Variants in FRMD6 observed in about 807,000 individuals in gnomAD.
FRMD6 encodes the protein FERM domain-containing protein 6.
In FRMD6, 37 loss-of-function variants were observed where a neutral mutation model predicts 73.2. That is an observed-to-expected ratio of 0.51 (90% CI 0.39 to 0.66). The LOEUF (loss-of-function observed/expected upper bound fraction) is 0.66. FRMD6 is among the 30% of genes least tolerant of loss of function. The pLI, the probability that FRMD6 is intolerant of heterozygous loss-of-function variation, is 0.00. For synonymous variants in FRMD6, 273 were observed against 282.2 expected, an observed-to-expected ratio of 0.97 and a Z score of 0.33; for missense variants, 714 against 780.5, an observed-to-expected ratio of 0.91 and a Z score of 1.02.
In FRMD6 at chr14:51,715,505, G is replaced by T. The variant is rs1425330975; in HGVS notation, c.1024+6G>T. 6.2e-7 allele frequency: 1 copy of T among 1,606,352 alleles called. No individual in the cohort carries two copies. Among genetic ancestry groups the T allele is most frequent in the African/African-American group, 1.3e-5 (1 of 74,682 alleles). Reference sequence around the variant, plus strand: ...GAAGCTGGAGGAAAACGAAGGTATTGCAGGGTCTGGGGTGTGGAAGCAAAT... The same window carrying T: ...GAAGCTGGAGGAAAACGAAGGTATTTCAGGGTCTGGGGTGTGGAAGCAAAT... On this transcript the variant is annotated splice_donor_region_variant and intron_variant, in intron 10 of 13. Coordinates refer to ENST00000344768, the MANE Select transcript of FRMD6 (RefSeq NM_001267046.2).
chr14:51,520,918 G>A (rs552247272), intron 1 of FRMD6, among the ~76,000 whole-genome samples: 5 of 151,704 alleles, frequency 3.3e-5, no homozygotes, highest in Admixed American at 1.3e-4. Flanking sequence ...TCAAAAATAC[G>A]TAAATAAAAA....
intron 1 of FRMD6, among the ~76,000 whole-genome samples, chr14:51,531,862 G>A (rs1885602583): frequency 6.6e-6 from 1 of 152,182 alleles, no homozygotes; most frequent in South Asian, 2.1e-4. Flanking sequence ...ATGGATATGA[G>A]ACTGGCAAAA....
At chr14:51,421,736 T>A in the FRMD6 span, among the ~76,000 whole-genome samples, 2 of 152,242 alleles carry the variant, frequency 1.3e-5, no homozygotes, top group African/African-American at 4.8e-5. Context: ...GAACCCCAGC[T>A]GGTCTATTTC....
rs1193439532 is a variant in FRMD6, at chr14:51,729,068, T to A, written c.*1039T>A. 1 of 152,162 alleles carries A rather than the reference T, an allele frequency of 6.6e-6. No individual in the cohort carries two copies. Among genetic ancestry groups the A allele is most frequent in the Non-Finnish European group, 1.5e-5 (1 of 68,030 alleles). 9.4% of individuals were successfully genotyped at this position (152,162 alleles called of 1,614,324 possible). A position where few individuals can be genotyped will look rare whatever the true frequency, so the allele number is the denominator to read the frequency against. Reference sequence around the variant, plus strand: ...CTGAGTGAATGATACCTGCAGACAGTCAGTTGATATATGTAGAGTTCAGAA... The same window carrying A: ...CTGAGTGAATGATACCTGCAGACAGACAGTTGATATATGTAGAGTTCAGAA... On this transcript the variant is annotated 3_prime_UTR_variant, in exon 14 of 14. Transcript: ENST00000344768.
chr14:51,564,210 C>T (rs183855058), intron 1 of FRMD6, among the ~76,000 whole-genome samples: 26 of 152,150 alleles, frequency 1.7e-4, no homozygotes, highest in Non-Finnish European at 3.2e-4. Flanking sequence ...TTATATTTGT[C>T]GTTACTTTTG....
the FRMD6 span, among the ~76,000 whole-genome samples, chr14:51,459,720 G>A: frequency 1.3e-5 from 2 of 150,942 alleles, no homozygotes; most frequent in South Asian, 2.1e-4. Context: ...CCAGCTGCTC[G>A]GGAGGCTGAG....
chr14:51,414,811 T>C, the FRMD6 span, among the ~76,000 whole-genome samples: 4 of 152,222 alleles, frequency 2.6e-5, no homozygotes, highest in African/African-American at 9.6e-5. Context: ...TCCATTTGTG[T>C]CCTCTTTTAT....
chr14:51,600,685 A>G (rs1245480518), intron 2 of FRMD6, among the ~76,000 whole-genome samples: 2 of 152,232 alleles, frequency 1.3e-5, no homozygotes, highest in Admixed American at 6.5e-5. Context: ...CCCAGAATTT[A>G]TTTTTGGCCT....
At chr14:51,504,166 T>C (rs74676829) in intron 1 of FRMD6, among the ~76,000 whole-genome samples, 3,848 of 152,302 alleles carry the variant, frequency 0.025, 79 homozygotes, top group African/African-American at 0.042. Context: ...CTTTTAACAG[T>C]CAGGCTACTC....
the FRMD6 span, among the ~76,000 whole-genome samples, chr14:51,467,545 G>T: frequency 6.6e-6 from 1 of 151,700 alleles, no homozygotes; most frequent in Non-Finnish European, 1.5e-5. Flanking sequence ...GGGGCGGCCG[G>T]GCAGAGGCGC....
intron 1 of FRMD6, among the ~76,000 whole-genome samples, chr14:51,534,878 T>C (rs1885789641): frequency 1.3e-5 from 2 of 152,110 alleles, no homozygotes; most frequent in African/African-American, 4.8e-5. Flanking sequence ...GGACTAGAAG[T>C]ATGTGCCAGG....
At chr14:51,569,498 T>A (rs1887978559) in intron 1 of FRMD6, among the ~76,000 whole-genome samples, 1 of 133,688 alleles carries the variant, frequency 7.5e-6, no homozygotes, top group Non-Finnish European at 1.6e-5. Flanking sequence ...TTCTTTTCTT[T>A]CTTTCTTTCT....
the FRMD6 span, among the ~76,000 whole-genome samples, chr14:51,464,586 A>G: frequency 6.6e-6 from 1 of 152,172 alleles, no homozygotes; most frequent in Non-Finnish European, 1.5e-5. Context: ...GAACTGGGTT[A>G]GCAAAAACTA....
the FRMD6 span, among the ~76,000 whole-genome samples, chr14:51,427,250 C>A: frequency 6.6e-6 from 1 of 152,182 alleles, no homozygotes; most frequent in Non-Finnish European, 1.5e-5. Flanking sequence ...CTCTTGTATA[C>A]AAGTGTCATG....
At chr14:51,553,994 G>A (rs1006426046) in intron 1 of FRMD6, among the ~76,000 whole-genome samples, 1 of 152,074 alleles carries the variant, frequency 6.6e-6, no homozygotes, top group African/African-American at 2.4e-5. Flanking sequence ...AAGAACCAGG[G>A]ATTCTTGGAG....
At chr14:51,628,733 A>AG (rs1463936209) in intron 2 of FRMD6, among the ~76,000 whole-genome samples, 1 of 129,480 alleles carries the variant, frequency 7.7e-6, no homozygotes, top group Non-Finnish European at 1.6e-5. Context: ...CCCAGGTGGC[A>AG]GAGGTTGCAG....
chr14:51,597,515 G>T (rs990824155), intron 2 of FRMD6, among the ~76,000 whole-genome samples: 60 of 152,292 alleles, frequency 3.9e-4, no homozygotes, highest in African/African-American at 1.4e-3. Flanking sequence ...CCTACAGCAC[G>T]TTTGGCTGGA....
At chr14:51,617,603 T>A (rs902671123) in intron 2 of FRMD6, among the ~76,000 whole-genome samples, 2 of 152,188 alleles carry the variant, frequency 1.3e-5, no homozygotes, top group African/African-American at 4.8e-5. Context: ...TCCATTTCCT[T>A]ATCTGTAAGA....
the FRMD6 span, among the ~76,000 whole-genome samples, chr14:51,407,742 GTTTC>G: frequency 6.6e-6 from 1 of 151,950 alleles, no homozygotes; most frequent in Non-Finnish European, 1.5e-5. Context: ...ATTTAGAAGT[GTTTC>G]TTAATTTCCA....
Sources: gnomAD v4.1 joint callset for allele counts (sites outside exome capture counted in the v4.1 genomes callset) on GRCh38, gnomAD v4.1.1 for gene constraint, MANE v1.5 for transcripts, NCBI Gene and HGNC (gene_info 2026-07-23, HGNC 2026-07-21) for gene names.